Variants in ARHGAP22 observed in about 807,000 individuals in gnomAD.
ARHGAP22 encodes the protein Rho GTPase activating protein 22.
A neutral mutation model predicts 59.1 loss-of-function variants in ARHGAP22; 48 were observed. The observed-to-expected ratio is 0.81, with a 90% CI of 0.64 to 1.03. The LOEUF (loss-of-function observed/expected upper bound fraction) is 1.03, where lower values mean the gene tolerates loss of function less well. Ranked by LOEUF, ARHGAP22 falls within the 50% of genes least tolerant of loss-of-function variation. The pLI is 0.00. For synonymous variants in ARHGAP22, 445 were observed against 416.4 expected, an observed-to-expected ratio of 1.07 and a Z score of -0.84; for missense variants, 1,015 against 958.7, an observed-to-expected ratio of 1.06 and a Z score of -0.78.
intron 3 of ARHGAP22, among the ~76,000 whole-genome samples, chr10:48,500,586 C>T (rs2134361166): frequency 6.6e-6 from 1 of 152,088 alleles, no homozygotes; most frequent in Middle Eastern, 3.4e-3. Context: ...AATAAAAATA[C>T]ACAATAGATC....
intron 7 of ARHGAP22, among the ~76,000 whole-genome samples, chr10:48,453,733 G>T (rs1046787320): frequency 2.7e-4 from 41 of 152,346 alleles, no homozygotes; most frequent in African/African-American, 9.1e-4. Context: ...CGCCGCCCCT[G>T]CATTCCCCTT....
chr10:48,501,424 TC>T (rs1189380167), intron 3 of ARHGAP22, among the ~76,000 whole-genome samples: 3 of 152,238 alleles, frequency 2.0e-5, no homozygotes, highest in Non-Finnish European at 4.4e-5. Context: ...CCCTGAGGCC[TC>T]CCCATGGGAG....
chr10:48,526,036 A>T (rs192637087), intron 3 of ARHGAP22, among the ~76,000 whole-genome samples: 9 of 152,236 alleles, frequency 5.9e-5, no homozygotes, highest in Admixed American at 5.9e-4. Flanking sequence ...AGTTCCTAGG[A>T]TCTGTTCCTA....
At chr10:48,527,011 C>T (rs1589955740) in intron 3 of ARHGAP22, among the ~76,000 whole-genome samples, 1 of 152,206 alleles carries the variant, frequency 6.6e-6, no homozygotes, top group Non-Finnish European at 1.5e-5. Context: ...GTGTTTCCCA[C>T]CATGTGCCAG....
chr10:48,434,069 C>G, the ARHGAP22 span, among the ~76,000 whole-genome samples: 1 of 152,206 alleles, frequency 6.6e-6, no homozygotes, highest in African/African-American at 2.4e-5. Flanking sequence ...CTTCCTAAAC[C>G]AATCCCCTTG....
rs778792517 is a variant in ARHGAP22, at chr10:48,583,202, T to C, written c.35-50A>G. On this transcript the variant is annotated intron_variant, in intron 1 of 9. Transcript: ENST00000249601. ...GAGCATGAAGGCAGCGTGCCTGCTA[T>C]CAGTCCTGCCCCCATCCTGGTGTCC... is the stretch of plus-strand genomic sequence containing the variant. 1.5e-5 allele frequency: 24 copies of C among 1,581,322 alleles called. 1 individual carries two copies. In the South Asian group the frequency reaches 2.8e-4, roughly 18 times the overall value.
chr10:48,463,678 G>C (rs370955450), intron 4 of ARHGAP22, among the ~76,000 whole-genome samples: 6 of 152,286 alleles, frequency 3.9e-5, no homozygotes, highest in African/African-American at 1.4e-4. Context: ...TCCCTGCTAC[G>C]TGAGCTGCCC....
At chr10:48,583,713 T>C (rs950839079) in intron 1 of ARHGAP22, among the ~76,000 whole-genome samples, 3 of 152,076 alleles carry the variant, frequency 2.0e-5, no homozygotes, top group Admixed American at 1.3e-4. Context: ...CCAGATCTGG[T>C]TTCTGCTTAG....
At chr10:48,453,951 G>A (rs1431686800) in intron 7 of ARHGAP22, 137 bp downstream of exon 7, 21 of 880,756 alleles carry the variant, frequency 2.4e-5, no homozygotes, top group African/African-American at 8.2e-5. Context: ...CTTCGTCCAC[G>A]CTGGGTTGAG....
intron 4 of ARHGAP22, among the ~76,000 whole-genome samples, chr10:48,474,716 G>A (rs758197727): frequency 8.0e-5 from 11 of 137,682 alleles, no homozygotes; most frequent in African/African-American, 1.9e-4. Flanking sequence ...CTACTAAGAC[G>A]GTCATGTGTT....
rs188604855 is a variant in ARHGAP22 at position 48,582,936 on chromosome 10, G to A, written c.234+17C>T. On this transcript the variant is annotated intron_variant, in intron 2 of 9. Coordinates refer to ENST00000249601, the MANE Select transcript of ARHGAP22 (RefSeq NM_021226.4). The stretch of plus-strand genomic sequence containing the variant: ...CCTGCCACGATGCCCACGGCACACC[G>A]GACATGCACTTCTCACCTGGGGCTT... 1.3e-4 allele frequency: 213 copies of A among 1,613,682 alleles called. No individual in the cohort carries two copies. The highest frequency in any genetic ancestry group is 1.1e-4 in the Non-Finnish European group (132 of 1,179,652).
At chr10:48,635,539 G>C (rs1008463902) in intron 1 of ARHGAP22, among the ~76,000 whole-genome samples, 5 of 152,234 alleles carry the variant, frequency 3.3e-5, no homozygotes, top group Non-Finnish European at 7.3e-5. Context: ...GTCCAGAAGG[G>C]CTGGGTGTCC....
At chr10:48,434,955 A>G in the ARHGAP22 span, 2 of 1,611,838 alleles carry the variant, frequency 1.2e-6, no homozygotes, top group Non-Finnish European at 1.7e-6. Context: ...TTCAATGTCA[A>G]CAGATCCGAC....
intron 2 of ARHGAP22, among the ~76,000 whole-genome samples, chr10:48,562,625 G>A (rs536262274): frequency 6.6e-6 from 1 of 152,196 alleles, no homozygotes; most frequent in Non-Finnish European, 1.5e-5. Context: ...CAGGGGTCAG[G>A]AGGGGCAAAG....
intron 3 of ARHGAP22, among the ~76,000 whole-genome samples, chr10:48,494,530 C>A (rs970441812): frequency 6.6e-6 from 1 of 152,174 alleles, no homozygotes; most frequent in East Asian, 1.9e-4. Context: ...GCCCATCTCC[C>A]CCATTTCTCC....
intron 3 of ARHGAP22, among the ~76,000 whole-genome samples, chr10:48,552,891 C>G (rs1449430190): frequency 6.6e-6 from 1 of 152,250 alleles, no homozygotes; most frequent in Non-Finnish European, 1.5e-5. Flanking sequence ...GAAGCCCACC[C>G]TTCTGGGGTC....
chr10:48,542,551 G>T (rs2056060396), intron 3 of ARHGAP22, among the ~76,000 whole-genome samples: 1 of 152,144 alleles, frequency 6.6e-6, no homozygotes, highest in Non-Finnish European at 1.5e-5. Flanking sequence ...CCTGCCTCCT[G>T]ATTCCCAGGC....
intron 1 of ARHGAP22, among the ~76,000 whole-genome samples, chr10:48,647,516 C>T (rs2062358137): frequency 6.6e-6 from 1 of 152,174 alleles, no homozygotes; most frequent in Non-Finnish European, 1.5e-5. Flanking sequence ...CCACTTTACA[C>T]CCGCTAGGAT....
intron 4 of ARHGAP22, among the ~76,000 whole-genome samples, chr10:48,466,090 G>A (rs1456014391): frequency 2.6e-5 from 4 of 152,098 alleles, no homozygotes; most frequent in African/African-American, 9.7e-5. Flanking sequence ...AAGCTCACCT[G>A]GAAGGGTCCT....
Sources: gnomAD v4.1 joint callset for allele counts (sites outside exome capture counted in the v4.1 genomes callset) on GRCh38, gnomAD v4.1.1 for gene constraint, MANE v1.5 for transcripts, NCBI Gene and HGNC (gene_info 2026-07-23, HGNC 2026-07-21) for gene names.